Variants in SNX32 observed in about 807,000 individuals in gnomAD.
The protein encoded by SNX32 is sorting nexin 32.
In SNX32, 58 loss-of-function variants were observed where a neutral mutation model predicts 57.0. The ratio of observed to expected loss-of-function variants is 1.02; its 90% CI spans 0.82 to 1.27. The LOEUF is 1.27. Among genes scored for constraint, SNX32 ranks in the 50% most tolerant of loss-of-function variants. The pLI, the probability that SNX32 is intolerant of heterozygous loss-of-function variation, is 0.00. For synonymous variants in SNX32, 262 were observed against 220.4 expected (o/e 1.19, Z -1.67); for missense variants, 589 against 541.2 (o/e 1.09, Z -0.88).
intron 1 of SNX32, among the ~76,000 whole-genome samples, chr11:65,843,715 T>C (rs928718672): frequency 6.6e-6 from 1 of 152,188 alleles, no homozygotes; most frequent in Admixed American, 6.5e-5. Flanking sequence ...GCCTTAACCA[T>C]AGACATAAAA....
At chr11:65,836,629 A>G (rs1858675591) in intron 1 of SNX32, among the ~76,000 whole-genome samples, 1 of 152,232 alleles carries the variant, frequency 6.6e-6, no homozygotes, top group African/African-American at 2.4e-5. Flanking sequence ...ACTATTTACA[A>G]TAGCAAAGAC....
At chr11:65,836,511 T>G (rs1335626220) in intron 1 of SNX32, among the ~76,000 whole-genome samples, 1 of 152,148 alleles carries the variant, frequency 6.6e-6, no homozygotes. Flanking sequence ...ACCATTGAAC[T>G]CTAGCCTGGG....
intron 8 of SNX32, 105 bp downstream of exon 8, chr11:65,851,508 G>A (rs1216606031): frequency 7.3e-6 from 11 of 1,512,254 alleles, no homozygotes; most frequent in Non-Finnish European, 1.0e-5. Flanking sequence ...GGTGGGAGGT[G>A]TAGGCTCTCC....
At chr11:65,851,238 C>A in intron 7 of SNX32, 78 bp downstream of exon 7, 1 of 1,596,896 alleles carries the variant, frequency 6.3e-7, no homozygotes. Flanking sequence ...GAGAAGAGAG[C>A]AGGGCGTGCC....
intron 1 of SNX32, among the ~76,000 whole-genome samples, chr11:65,846,576 A>T (rs575008789): frequency 1.3e-5 from 2 of 151,800 alleles, no homozygotes; most frequent in Non-Finnish European, 2.9e-5. Context: ...CGAAAAAAAA[A>T]AAAAAGAATA....
chr11:65,847,869 C>T (rs1272201627), intron 1 of SNX32, among the ~76,000 whole-genome samples: 1 of 151,496 alleles, frequency 6.6e-6, no homozygotes, highest in Non-Finnish European at 1.5e-5. Flanking sequence ...GAGATCACTT[C>T]ACTGCACTCC....
chr11:65,834,317 C>T (rs926552032), intron 1 of SNX32, among the ~76,000 whole-genome samples: 9 of 149,118 alleles, frequency 6.0e-5, no homozygotes, highest in Non-Finnish European at 1.2e-4. Context: ...GTGTGTGTAT[C>T]TGTGTATGTC....
At position 65,839,223 on chromosome 11, in the gene SNX32, G is replaced by GTTTTTTTTTTTTT. The variant is rs755185237; in HGVS notation, c.36+5123_36+5124insTTTTTTTTTTTTT. Among the ~76,000 whole-genome samples the GTTTTTTTTTTTTT allele has an allele frequency of 9.5e-3, 219 of 22,996 alleles. 47 individuals carry two copies. The highest frequency in any genetic ancestry group is 0.012 in the Non-Finnish European group (164 of 14,034). The allele number at this position is 22,996 out of a possible 152,430, so 15.1% of individuals were successfully genotyped here. ...CCCACCACGCCCAGCTAATTTTTTT[G>GTTTTTTTTTTTTT]TATTTTTTTTTTTTTTTTTTTTTTG... On this transcript the variant is annotated intron_variant, in intron 1 of 12. Coordinates refer to ENST00000308342, the MANE Select transcript of SNX32 (RefSeq NM_152760.3).
In SNX32 at chr11:65,851,309, G is replaced by A. The variant is rs1019217206; in HGVS notation, c.710-19G>A. 6.2e-6 allele frequency: 10 copies of A among 1,613,660 alleles called. No individual in the cohort carries two copies. The highest frequency in any genetic ancestry group is 8.5e-6 in the Non-Finnish European group (10 of 1,179,848). On this transcript the variant is annotated intron_variant, in intron 7 of 12. Coordinates refer to ENST00000308342, the MANE Select transcript of SNX32 (RefSeq NM_152760.3). ...GACATGCAGATGTAGGGGCTCTGATGGGGGCTGTTCCCCAACAGGCCTGGC... is the reference window on the plus strand; with the variant it reads ...GACATGCAGATGTAGGGGCTCTGATAGGGGCTGTTCCCCAACAGGCCTGGC...
At chr11:65,845,529 G>A (rs1858969394) in intron 1 of SNX32, among the ~76,000 whole-genome samples, 1 of 151,166 alleles carries the variant, frequency 6.6e-6, no homozygotes, top group African/African-American at 2.4e-5. Flanking sequence ...CTGAGGTCAG[G>A]AGTTTGAGAC....
chr11:65,851,156 C>A lies in SNX32; in HGVS notation c.705C>A (p.His235Gln). The A allele has an allele frequency of 6.2e-7, 1 of 1,612,302 alleles. No individual in the cohort carries two copies. The highest frequency in any genetic ancestry group is 8.5e-7 in the Non-Finnish European group (1 of 1,179,928). Reference sequence around the variant, plus strand: ...GGGCCGACCGCGTCATGCGCGCCCACAAGTGTACGCAGGGCCCAAGGGGTC... The same window carrying A: ...GGGCCGACCGCGTCATGCGCGCCCAAAAGTGTACGCAGGGCCCAAGGGGTC... ...CLRADRVMRA[H>Q]KCLADDYIPI... The change falls in exon 7 of 13, where the codon CAC becomes CAA. Residue 235 changes from histidine to glutamine, a missense_variant. By Grantham distance (24) the His-to-Gln change is conservative (BLOSUM62 0). Coordinates refer to ENST00000308342, the MANE Select transcript of SNX32 (RefSeq NM_152760.3).
intron 7 of SNX32, 48 bp from the exon 8 acceptor site, chr11:65,851,280 G>C (rs371801139): frequency 2.5e-6 from 4 of 1,610,778 alleles, no homozygotes; most frequent in Non-Finnish European, 3.4e-6. Flanking sequence ...AAGCACCAAG[G>C]CTTGACATGC....
In SNX32 at chr11:65,851,142, G is replaced by A. The variant is rs777269361; in HGVS notation, c.691G>A (p.Val231Ile). The change falls in exon 7 of 13, where the codon GTC becomes ATC. Residue 231 changes from valine (V) to isoleucine (I), a missense_variant. Transcript: ENST00000308342. ...IRDACLRADRVMRAHKCLADD... is the reference protein window; with the variant it reads ...IRDACLRADRIMRAHKCLADD... The stretch of plus-strand genomic sequence containing the variant: ...AGATGCCTGCCTGCGGGCCGACCGC[G>A]TCATGCGCGCCCACAAGTGTACGCA... 46 of 1,612,726 alleles carry A rather than the reference G, an allele frequency of 2.9e-5. No homozygotes were observed. The highest frequency in any genetic ancestry group is 1.4e-4 in the South Asian group (13 of 91,092).
chr11:65,850,766 A>G lies in SNX32; in HGVS notation c.514A>G (p.Lys172Glu). 3 of 1,613,956 alleles carry G rather than the reference A, an allele frequency of 1.9e-6. No individual in the cohort carries two copies. The highest frequency in any genetic ancestry group is 2.5e-6 in the Non-Finnish European group (3 of 1,179,958). ...EYGQDLSVRG[K>E]NRKELLGGFL... The stretch of plus-strand genomic sequence containing the variant: ...TGTGCCTCAGCTGAGTGTCCGGGGG[A>G]AGAACAGGAAGGAGCTCCTCGGAGG... The change falls in exon 6 of 13, where the codon AAG becomes GAG. Residue 172 changes from lysine to glutamate, a missense_variant. Lys to Glu is a moderately conservative substitution (Grantham distance 56). Transcript: ENST00000308342.
chr11:65,850,888 C>G (rs769922994), intron 6 of SNX32, 33 bp downstream of exon 6: 3 of 1,586,816 alleles, frequency 1.9e-6, no homozygotes, highest in Admixed American at 3.4e-5. Context: ...GGATTCAACC[C>G]AGCACCTCAA....
intron 9 of SNX32, 136 bp from the exon 10 acceptor site, chr11:65,852,329 C>T: frequency 1.3e-6 from 1 of 759,376 alleles, no homozygotes; most frequent in Non-Finnish European, 2.3e-6. Context: ...CCCTGGCCTG[C>T]ACCCCTCAAC....
intron 1 of SNX32, among the ~76,000 whole-genome samples, chr11:65,846,912 G>A (rs1464402742): frequency 1.3e-5 from 2 of 152,048 alleles, no homozygotes; most frequent in African/African-American, 4.8e-5. Flanking sequence ...GAACCCGGGA[G>A]GCGGAGGTTG....
At chr11:65,839,225 ATTTTTTT>A (rs1168882508) in intron 1 of SNX32, among the ~76,000 whole-genome samples, 1 of 27,622 alleles carries the variant, frequency 3.6e-5, no homozygotes, top group Admixed American at 7.4e-4. Flanking sequence ...ATTTTTTTGT[ATTTTTTT>A]TTTTTTTTTT....
In SNX32 at chr11:65,834,750, A is replaced by G. The variant is rs1036742362; in HGVS notation, c.36+649A>G. On this transcript the variant is annotated intron_variant, in intron 1 of 12. Coordinates refer to ENST00000308342, the MANE Select transcript of SNX32 (RefSeq NM_152760.3). Reference sequence around the variant, plus strand: ...TGAGTGTGTGTCTGTCTCTGTGTCTATGTATGGTCTGCGTGCATCTTTATG... The same window carrying G: ...TGAGTGTGTGTCTGTCTCTGTGTCTGTGTATGGTCTGCGTGCATCTTTATG... Among the ~76,000 whole-genome samples, 9 of 127,914 alleles carry G rather than the reference A, an allele frequency of 7.0e-5. No homozygotes were observed. In the East Asian group the frequency reaches 9.7e-4, roughly 14 times the overall value. The allele number at this position is 127,914 out of a possible 152,430, so 83.9% of individuals were successfully genotyped here.
Sources: allele counts gnomAD v4.1 joint callset (sites outside exome capture counted in the v4.1 genomes callset), GRCh38; gene constraint gnomAD v4.1.1; transcripts MANE v1.5; gene names NCBI Gene and HGNC (gene_info 2026-07-23, HGNC 2026-07-21).